The following LRRC37A2 variants were observed in gnomAD, a reference collection of about 807,000 sequenced individuals.
LRRC37A2 encodes the protein leucine-rich repeat-containing protein 37A2.
In LRRC37A2, 9 loss-of-function variants were observed where a neutral mutation model predicts 68.8. The observed-to-expected ratio is 0.13, with a 90% CI of 0.08 to 0.23. LRRC37A2 has a LOEUF of 0.23. Ranked by LOEUF, LRRC37A2 falls within the 10% of genes least tolerant of loss-of-function variation. The probability of loss-of-function intolerance (pLI) is 1.00; values close to 1 mark genes in which losing one functional copy is unlikely to be tolerated. For missense variants in LRRC37A2, 168 were observed against 950.4 expected (o/e 0.18, Z 10.82); for synonymous variants, 63 against 367.6 (o/e 0.17, Z 9.48).
chr17:46,939,663 C>T, the LRRC37A2 span: 8 of 985,498 alleles, frequency 8.1e-6, no homozygotes, highest in Admixed American at 6.1e-5. Flanking sequence ...AATATATTAG[C>T]ACCTGCCAGC....
chr17:46,923,103 T>G, the LRRC37A2 span: 1 of 926,562 alleles, frequency 1.1e-6, no homozygotes, highest in Admixed American at 2.0e-5. Flanking sequence ...GGGAGGGTCC[T>G]GCGACCGGAA....
the LRRC37A2 span, among the ~76,000 whole-genome samples, chr17:46,884,135 C>T: frequency 3.3e-5 from 5 of 152,188 alleles, no homozygotes; most frequent in African/African-American, 1.2e-4. Context: ...TGGAGAGCAA[C>T]GGTAGCCCCC....
At chr17:46,934,554 T>A in the LRRC37A2 span, among the ~76,000 whole-genome samples, 1 of 152,214 alleles carries the variant, frequency 6.6e-6, no homozygotes, top group African/African-American at 2.4e-5. Context: ...CACAGCCTCC[T>A]CTATCCTTAG....
At chr17:46,786,833 TGAACATTCTA>T in the LRRC37A2 span, among the ~76,000 whole-genome samples, 1 of 152,200 alleles carries the variant, frequency 6.6e-6, no homozygotes, top group African/African-American at 2.4e-5. Flanking sequence ...CAGGGGATGC[TGAACATTCTA>T]GAACATTCTA....
Position 46,548,754 on chromosome 17 carries a change from G to T in LRRC37A2, c.3615G>T (p.Arg1205Ser), listed in dbSNP as rs369469522. Residue 1205 changes from arginine (R) to serine (S), a missense_variant, in exon 10 of 15, where the codon AGG becomes AGT. By Grantham distance (110) the Arg-to-Ser change is moderately radical. Transcript: ENST00000576629. The stretch of plus-strand genomic sequence containing the variant: ...TGGAGAACGCTGCCGAAGAAAAAAG[G>T]CTCGGGAGTCCAGCCCCAAGGGAGG... 24 of 1,610,808 alleles carry T rather than the reference G, an allele frequency of 1.5e-5. 1 individual carries two copies. Among genetic ancestry groups the T allele is most frequent in the African/African-American group, 4.1e-5 (3 of 73,224 alleles).
chr17:46,994,393 A>AG, the LRRC37A2 span, among the ~76,000 whole-genome samples: 6 of 150,316 alleles, frequency 4.0e-5, no homozygotes, highest in East Asian at 4.0e-4. Flanking sequence ...CTCAAAAAAA[A>AG]AGAAAAATGC....
the LRRC37A2 span, chr17:47,019,456 T>C: frequency 6.2e-7 from 1 of 1,607,144 alleles, no homozygotes; most frequent in Admixed American, 1.7e-5. Flanking sequence ...GGGCTTGCCA[T>C]AACTCCAGAG....
the LRRC37A2 span, among the ~76,000 whole-genome samples, chr17:46,708,031 CAAA>C: frequency 2.0e-4 from 17 of 85,538 alleles, no homozygotes; most frequent in South Asian, 3.9e-4. Flanking sequence ...GACCCTGTCT[CAAA>C]AAAAAAAAAA....
chr17:46,532,255 A>T (rs1387952909), intron 6 of LRRC37A2, among the ~76,000 whole-genome samples: 1 of 149,044 alleles, frequency 6.7e-6, no homozygotes, highest in Non-Finnish European at 1.5e-5. Flanking sequence ...ACCATAGATC[A>T]GTTTGGAGAA....
chr17:47,012,856 C>T, the LRRC37A2 span, among the ~76,000 whole-genome samples: 1 of 152,208 alleles, frequency 6.6e-6, no homozygotes, highest in Non-Finnish European at 1.5e-5. Flanking sequence ...CATGACCCAG[C>T]AACTCTACTC....
At chr17:46,923,938 T>A in the LRRC37A2 span, 2 of 398,400 alleles carry the variant, frequency 5.0e-6, no homozygotes, top group Non-Finnish European at 8.8e-6. Flanking sequence ...TTACCCTGTT[T>A]TGGAGGGACG....
chr17:46,826,522 C>G, the LRRC37A2 span, among the ~76,000 whole-genome samples: 1 of 152,248 alleles, frequency 6.6e-6, no homozygotes, highest in Non-Finnish European at 1.5e-5. Flanking sequence ...GGGAAATCCT[C>G]TCTGAGTGGT....
chr17:46,489,978 C>G, the LRRC37A2 span, among the ~76,000 whole-genome samples: 1 of 150,604 alleles, frequency 6.6e-6, no homozygotes. Context: ...TGAGAGTTTC[C>G]TGGCCAAGTG....
At chr17:46,809,154 G>A in the LRRC37A2 span, among the ~76,000 whole-genome samples, 2 of 152,188 alleles carry the variant, frequency 1.3e-5, no homozygotes, top group African/African-American at 2.4e-5. Flanking sequence ...CTGCGCAGGT[G>A]GACAGAAGTG....
In LRRC37A2 at chr17:46,555,548, CGGA is replaced by C. The variant is rs1257798822; in HGVS notation, c.5083_5085del (p.Glu1695del). 1.3e-5 allele frequency: 15 copies of C among 1,153,590 alleles called. 1 individual carries two copies. In the African/African-American group the frequency reaches 1.3e-4, roughly 10 times the overall value. 71.5% of individuals were successfully genotyped at this position (1,153,590 alleles called of 1,614,324 possible). A position where few individuals can be genotyped will look rare whatever the true frequency, so the allele number is the denominator to read the frequency against. ...TATCCCAGGGACAGCGAAGCCCCAA[CGGA>C]GGAGGAGGAGAGTGAAGCCCTGCCA... On this transcript the variant is annotated inframe_deletion, in exon 15 of 15. Coordinates refer to ENST00000576629, the Ensembl canonical transcript of LRRC37A2.
chr17:47,004,362 C>T, the LRRC37A2 span, among the ~76,000 whole-genome samples: 2 of 152,328 alleles, frequency 1.3e-5, no homozygotes, highest in South Asian at 2.1e-4. Flanking sequence ...ACTCACTTTG[C>T]ATTTCACGGT....
At chr17:46,865,447 G>A in the LRRC37A2 span, among the ~76,000 whole-genome samples, 18 of 152,160 alleles carry the variant, frequency 1.2e-4, no homozygotes, top group Non-Finnish European at 1.8e-4. Context: ...GGGCTCCAGC[G>A]GGGAAGTGTG....
At chr17:46,945,573 G>T in the LRRC37A2 span, among the ~76,000 whole-genome samples, 3 of 152,284 alleles carry the variant, frequency 2.0e-5, no homozygotes, top group South Asian at 6.2e-4. Flanking sequence ...TCTTTGCTGG[G>T]TGGTAACTCA....
the LRRC37A2 span, among the ~76,000 whole-genome samples, chr17:46,770,332 G>A: frequency 2.0e-5 from 3 of 152,186 alleles, no homozygotes; most frequent in Non-Finnish European, 4.4e-5. Context: ...AACAGGCGCC[G>A]ACACCAAACC....
Sources: allele counts gnomAD v4.1 joint callset (sites outside exome capture counted in the v4.1 genomes callset), GRCh38; gene constraint gnomAD v4.1.1; transcripts MANE v1.5; gene names NCBI Gene and HGNC (gene_info 2026-07-23, HGNC 2026-07-21).